Variants in DYM observed in about 807,000 individuals in gnomAD.
DYM encodes dyggve-Melchior-Clausen syndrome protein.
DYM carries 78 observed loss-of-function variants against 93.1 expected under a neutral mutation model. That is an observed-to-expected ratio of 0.84 (90% confidence interval 0.70 to 1.01). The LOEUF is 1.01. Ranked by LOEUF, DYM falls within the 50% of genes least tolerant of loss-of-function variation. DYM has a pLI of 0.00. For synonymous variants in DYM, 321 were observed against 319.7 expected (o/e 1.00, Z -0.04); for missense variants, 789 against 845.0 (o/e 0.93, Z 0.82).
chr18:49,066,305 T>C (rs923334004), intron 17 of DYM, among the ~76,000 whole-genome samples: 12 of 152,186 alleles, frequency 7.9e-5, no homozygotes, highest in African/African-American at 2.7e-4. Context: ...TTACCACCTA[T>C]ACCTGCATTC....
chr18:49,371,782 GCTATCC>G, intron 5 of DYM, among the ~76,000 whole-genome samples: 1 of 152,196 alleles, frequency 6.6e-6, no homozygotes, highest in African/African-American at 2.4e-5. Context: ...TAATGGAAGA[GCTATCC>G]TCATATAATA....
chr18:49,204,785 C>A (rs1346425760), intron 14 of DYM, among the ~76,000 whole-genome samples: 1 of 152,102 alleles, frequency 6.6e-6, no homozygotes, highest in Non-Finnish European at 1.5e-5. Flanking sequence ...AATTCTCAAG[C>A]GCTTACTCAA....
At chr18:49,204,346 T>A (rs1390932967) in intron 14 of DYM, among the ~76,000 whole-genome samples, 1 of 152,238 alleles carries the variant, frequency 6.6e-6, no homozygotes, top group Non-Finnish European at 1.5e-5. Flanking sequence ...GCCGAGTTAA[T>A]AGTAACTCAA....
At chr18:49,200,996 A>T (rs761279829) in intron 14 of DYM, among the ~76,000 whole-genome samples, 1 of 152,210 alleles carries the variant, frequency 6.6e-6, no homozygotes, top group Non-Finnish European at 1.5e-5. Context: ...AAAATAATCC[A>T]GAATCACGTA....
Position 49,456,045 on chromosome 18 carries a change from G to A in DYM, c.-54+4353C>T, listed in dbSNP as rs1468993240. On this transcript the variant is annotated intron_variant, in intron 1 of 17. Transcript: ENST00000675505. ...CATTTTTTTGACCAGGCATATTCCT[G>A]TTCAACTAAGATATATTTAAGTCTC... Among the ~76,000 whole-genome samples the A allele has an allele frequency of 5.3e-5, 8 of 151,858 alleles. 1 individual carries two copies. The highest frequency in any genetic ancestry group is 1.0e-4 in the Non-Finnish European group (7 of 67,988).
chr18:49,423,768 C>A (rs995895278), intron 2 of DYM, among the ~76,000 whole-genome samples: 49 of 152,234 alleles, frequency 3.2e-4, no homozygotes, highest in African/African-American at 1.1e-3. Context: ...ACTATAAACA[C>A]CTCTATGCAA....
chr18:49,346,275 T>C (rs962843603), intron 6 of DYM, among the ~76,000 whole-genome samples: 4 of 152,110 alleles, frequency 2.6e-5, no homozygotes, highest in African/African-American at 9.7e-5. Flanking sequence ...ATACAGACAA[T>C]GGGATACTTT....
At chr18:49,319,541 A>T (rs2062302905) in intron 8 of DYM, among the ~76,000 whole-genome samples, 1 of 152,204 alleles carries the variant, frequency 6.6e-6, no homozygotes, top group Non-Finnish European at 1.5e-5. Flanking sequence ...AAAAAAGATG[A>T]AGTAGGTGAA....
intron 11 of DYM, among the ~76,000 whole-genome samples, chr18:49,264,446 C>T (rs564082131): frequency 6.6e-6 from 1 of 152,184 alleles, no homozygotes; most frequent in South Asian, 2.1e-4. Flanking sequence ...TCCTTTTTCT[C>T]TATATCCTCA....
chr18:49,305,565 G>A (rs2061225983), intron 8 of DYM, among the ~76,000 whole-genome samples: 1 of 152,058 alleles, frequency 6.6e-6, no homozygotes, highest in Non-Finnish European at 1.5e-5. Context: ...TGTACATTCT[G>A]CCTTCAGATG....
chr18:49,348,647 G>A (rs956367389), intron 6 of DYM, among the ~76,000 whole-genome samples: 2 of 151,594 alleles, frequency 1.3e-5, no homozygotes, highest in Non-Finnish European at 2.9e-5. Flanking sequence ...GGTGGCTCAC[G>A]CCTGTAATCC....
chr18:49,080,810 C>T (rs1315298230), intron 17 of DYM, among the ~76,000 whole-genome samples: 187 of 150,262 alleles, frequency 1.2e-3, no homozygotes, highest in African/African-American at 4.0e-3. Flanking sequence ...CGGAGGGTCT[C>T]CTCACTTCTC....
intron 6 of DYM, among the ~76,000 whole-genome samples, chr18:49,339,615 A>T (rs1405394564): frequency 1.3e-5 from 2 of 152,130 alleles, no homozygotes; most frequent in Non-Finnish European, 2.9e-5. Flanking sequence ...TAGCCAAGAG[A>T]CCTAGGAAGC....
At chr18:49,166,989 CGTGTGTGT>C (rs61299099) in intron 14 of DYM, among the ~76,000 whole-genome samples, 45,180 of 141,786 alleles carry the variant, frequency 0.32, 7,754 homozygotes, top group Middle Eastern at 0.43. Flanking sequence ...TCTCACATTC[CGTGTGTGT>C]GTGTGTGTGT....
chr18:49,281,898 A>T (rs1018540239), intron 10 of DYM, 99 bp downstream of exon 10: 28 of 1,163,858 alleles, frequency 2.4e-5, no homozygotes, highest in Middle Eastern at 5.7e-4. Flanking sequence ...GCACATGTAT[A>T]CATATGTAAC....
At chr18:49,216,728 G>A (rs2093069987) in intron 13 of DYM, among the ~76,000 whole-genome samples, 2 of 152,062 alleles carry the variant, frequency 1.3e-5, no homozygotes, top group African/African-American at 2.4e-5. Flanking sequence ...AAACAGAAAG[G>A]ACATCCACAC....
intron 14 of DYM, among the ~76,000 whole-genome samples, chr18:49,165,245 G>A (rs923645785): frequency 1.3e-5 from 2 of 152,068 alleles, no homozygotes; most frequent in African/African-American, 4.8e-5. Context: ...AAATACTTAT[G>A]TGCCTAATAA....
chr18:49,095,124 C>T (rs577883935), intron 17 of DYM, among the ~76,000 whole-genome samples: 4 of 152,254 alleles, frequency 2.6e-5, no homozygotes, highest in South Asian at 2.1e-4. Flanking sequence ...TAGTAAACTA[C>T]TCCAAAGACT....
intron 17 of DYM, among the ~76,000 whole-genome samples, chr18:49,058,070 G>A (rs931598973): frequency 6.6e-6 from 1 of 152,224 alleles, no homozygotes; most frequent in Non-Finnish European, 1.5e-5. Flanking sequence ...CCAGAGAAGG[G>A]CCTCAAAGGA....
Sources: gnomAD v4.1 joint callset for allele counts (sites outside exome capture counted in the v4.1 genomes callset) on GRCh38, gnomAD v4.1.1 for gene constraint, MANE v1.5 for transcripts, NCBI Gene and HGNC (gene_info 2026-07-23, HGNC 2026-07-21) for gene names.